Variants in TBC1D12 observed in about 807,000 individuals in gnomAD.
The protein encoded by TBC1D12 is TBC1 domain family member 12.
A neutral mutation model predicts 86.7 loss-of-function variants in TBC1D12; 56 were observed. The observed-to-expected ratio is 0.65, with a 90% CI of 0.52 to 0.81. The LOEUF (loss-of-function observed/expected upper bound fraction) is 0.81. TBC1D12 is among the 30% of genes least tolerant of loss of function. The pLI, the probability that TBC1D12 is intolerant of heterozygous loss-of-function variation, is 0.00. For missense variants in TBC1D12, 1,023 were observed against 1,038.8 expected, an observed-to-expected ratio of 0.98 and a Z score of 0.21; for synonymous variants, 421 against 411.7, an observed-to-expected ratio of 1.02 and a Z score of -0.27.
At chr10:94,414,693 A>G (rs1326824409) in intron 1 of TBC1D12, among the ~76,000 whole-genome samples, 1 of 143,230 alleles carries the variant, frequency 7.0e-6, no homozygotes, top group Non-Finnish European at 1.5e-5. Flanking sequence ...TCCGCTTCCC[A>G]GGTTCCAGCG....
intron 1 of TBC1D12, among the ~76,000 whole-genome samples, chr10:94,413,216 G>A (rs1315641828): frequency 6.6e-6 from 1 of 152,190 alleles, no homozygotes; most frequent in African/African-American, 2.4e-5. Context: ...TAAGTACTTT[G>A]CTAGCCTTTA....
intron 4 of TBC1D12, among the ~76,000 whole-genome samples, chr10:94,493,930 GATA>G (rs1201569293): frequency 2.6e-5 from 4 of 151,888 alleles, no homozygotes; most frequent in South Asian, 4.2e-4. Context: ...TATAAATAAA[GATA>G]ATAATTCATG....
At position 94,458,098 on chromosome 10, in the gene TBC1D12, A is replaced by T. The variant is rs547416179; in HGVS notation, c.1095+16079A>T. 2.0e-5 allele frequency among the ~76,000 whole-genome samples: 3 copies of T among 152,276 alleles called. No individual in the cohort carries two copies. In the East Asian group the frequency reaches 5.8e-4, roughly 29 times the overall value. On this transcript the variant is annotated intron_variant, in intron 2 of 12. Transcript: ENST00000225235. Reference sequence around the variant, plus strand: ...TTTATCCCCTCTAAAATTTATGGTGAAAGGCAATCCCCACTGTGGCAATAT... The same window carrying T: ...TTTATCCCCTCTAAAATTTATGGTGTAAGGCAATCCCCACTGTGGCAATAT...
chr10:94,516,261 A>G (rs1201067786), intron 9 of TBC1D12, among the ~76,000 whole-genome samples: 1 of 152,186 alleles, frequency 6.6e-6, no homozygotes, highest in Non-Finnish European at 1.5e-5. Flanking sequence ...TCTGATATAC[A>G]TAATATTCTA....
At chr10:94,513,480 T>C (rs1158250711) in intron 9 of TBC1D12, among the ~76,000 whole-genome samples, 1 of 152,200 alleles carries the variant, frequency 6.6e-6, no homozygotes, top group Non-Finnish European at 1.5e-5. Context: ...TCATAGTCCA[T>C]TTAAAGAAAA....
chr10:94,493,363 A>G lies in TBC1D12; in HGVS notation c.1212-2A>G. 1 of 1,605,446 alleles carries G rather than the reference A, an allele frequency of 6.2e-7. No individual in the cohort carries two copies. The highest frequency in any genetic ancestry group is 8.5e-7 in the Non-Finnish European group (1 of 1,177,706). ...CTTGACTTAAGTAATTTTTTTTTCC[A>G]GAAATCTTCCTGCCAAATCTGTGGA... On this transcript the variant is annotated splice_acceptor_variant, in intron 3 of 12. Transcript: ENST00000225235. LOFTEE classifies it high-confidence loss of function.
chr10:94,457,579 C>T (rs147328510), intron 2 of TBC1D12, among the ~76,000 whole-genome samples: 18 of 152,176 alleles, frequency 1.2e-4, no homozygotes, highest in African/African-American at 4.1e-4. Flanking sequence ...CATGCTTGGC[C>T]TCTCTGTGTT....
Position 94,531,396 on chromosome 10 carries a change from C to T in TBC1D12, c.2195C>T (p.Ser732Leu), listed in dbSNP as rs750546732. The T allele has an allele frequency of 4.3e-6, 7 of 1,613,908 alleles. No homozygotes were observed. The highest frequency in any genetic ancestry group is 2.7e-5 in the African/African-American group (2 of 74,902). Residue 732 changes from serine to leucine, a missense_variant, in exon 12 of 13, where the codon TCG becomes TTG. By Grantham distance (145) the Ser-to-Leu change is moderately radical. Coordinates refer to ENST00000225235, the MANE Select transcript of TBC1D12 (RefSeq NM_015188.2). ...ACTAAATTGCCAGAAGATATCACAT[C>T]GGAAAAGCTGTTCAGTTGTATTGCA... The part of the protein sequence containing the change: ...FLTKLPEDIT[S>L]EKLFSCIAAI...
intron 2 of TBC1D12, 42 bp from the exon 3 acceptor site, chr10:94,474,625 GT>G (rs2055959356): frequency 7.1e-7 from 1 of 1,412,712 alleles, no homozygotes; most frequent in Non-Finnish European, 1.0e-6. Flanking sequence ...TACAAACTAT[GT>G]TGGAGCAGTT....
chr10:94,402,869 T>A lies in TBC1D12; in HGVS notation c.256T>A (p.Cys86Ser). Residue 86 changes from cysteine (C) to serine (S), a missense_variant, in exon 1 of 13, where the codon TGC (cysteine) becomes AGC (serine). Cys to Ser is a moderately radical substitution (Grantham distance 112). This residue lies in a region of TBC1D12 where 628 missense variants were observed against 531.1 expected (regional missense o/e 1.18). Transcript: ENST00000225235. ...CGGGGAGCAGCTGGAGCCGGGGCTCTGCTACTGTCCGCTCCCCGCTGGCCA... is the reference window on the plus strand; with the variant it reads ...CGGGGAGCAGCTGGAGCCGGGGCTCAGCTACTGTCCGCTCCCCGCTGGCCA... Reference protein sequence around the residue: ...AAGEQLEPGLCYCPLPAGQAG... With the variant: ...AAGEQLEPGLSYCPLPAGQAG... The A allele has an allele frequency of 6.6e-7, 1 of 1,519,794 alleles. No homozygotes were observed. Among genetic ancestry groups the A allele is most frequent in the East Asian group, 2.5e-5 (1 of 39,434 alleles). The allele number at this position is 1,519,794 out of a possible 1,614,324, so 94.1% of individuals were successfully genotyped here. A position where few individuals can be genotyped will look rare whatever the true frequency, so the allele number is the denominator to read the frequency against.
At chr10:94,467,683 T>G (rs186479190) in intron 2 of TBC1D12, among the ~76,000 whole-genome samples, 1 of 152,286 alleles carries the variant, frequency 6.6e-6, no homozygotes, top group Non-Finnish European at 1.5e-5. Context: ...ATGCATGTCC[T>G]GAATAATACA....
At chr10:94,460,725 CTT>C (rs1208936215) in intron 2 of TBC1D12, among the ~76,000 whole-genome samples, 2 of 152,110 alleles carry the variant, frequency 1.3e-5, no homozygotes, top group South Asian at 4.1e-4. Flanking sequence ...TCCCCTCTCT[CTT>C]GTCCGTTATA....
intron 3 of TBC1D12, among the ~76,000 whole-genome samples, chr10:94,487,489 T>C (rs2056182765): frequency 6.6e-6 from 1 of 151,982 alleles, no homozygotes; most frequent in South Asian, 2.1e-4. Flanking sequence ...ATTTTTTTTA[T>C]TTGAGGTTAC....
At chr10:94,426,763 A>G (rs2055152360) in intron 1 of TBC1D12, among the ~76,000 whole-genome samples, 1 of 152,058 alleles carries the variant, frequency 6.6e-6, no homozygotes, top group Admixed American at 6.5e-5. Flanking sequence ...TTTTTAGTAG[A>G]GACAGAGTTT....
chr10:94,450,197 C>G (rs2055528311), intron 2 of TBC1D12, among the ~76,000 whole-genome samples: 1 of 151,860 alleles, frequency 6.6e-6, no homozygotes, highest in Admixed American at 6.6e-5. Context: ...TACATCCTAG[C>G]CTTTGAGTTA....
Position 94,465,902 on chromosome 10 carries a change from A to G in TBC1D12, c.1096-8766A>G, listed in dbSNP as rs144189653. Among the ~76,000 whole-genome samples the G allele has an allele frequency of 4.3e-3, 643 of 151,052 alleles. 4 individuals are homozygous for G. The highest frequency in any genetic ancestry group is 0.014 in the African/African-American group (578 of 41,260). Reference sequence around the variant, plus strand: ...CATGTATGTATATACATACATACGCATATATACATATATACGTATATATGC... The same window carrying G: ...CATGTATGTATATACATACATACGCGTATATACATATATACGTATATATGC... On this transcript the variant is annotated intron_variant, in intron 2 of 12. Coordinates refer to ENST00000225235, the MANE Select transcript of TBC1D12 (RefSeq NM_015188.2).
intron 2 of TBC1D12, among the ~76,000 whole-genome samples, chr10:94,451,166 C>A (rs1417351315): frequency 1.3e-5 from 2 of 151,830 alleles, no homozygotes; most frequent in African/African-American, 4.8e-5. Context: ...TTTTAAATAG[C>A]AAGAAGGAGG....
At chr10:94,471,743 AC>A (rs1227836225) in intron 2 of TBC1D12, among the ~76,000 whole-genome samples, 2 of 152,210 alleles carry the variant, frequency 1.3e-5, no homozygotes, top group African/African-American at 2.4e-5. Context: ...AAGCCAATCA[AC>A]ACTGGTTTCA....
chr10:94,438,184 T>C (rs925912765), intron 1 of TBC1D12, among the ~76,000 whole-genome samples: 6 of 152,204 alleles, frequency 3.9e-5, no homozygotes, highest in African/African-American at 1.4e-4. Flanking sequence ...TATAGTATGG[T>C]AACTATAAAT....
Sources: allele counts gnomAD v4.1 joint callset (sites outside exome capture counted in the v4.1 genomes callset), GRCh38; gene constraint gnomAD v4.1.1; regional missense constraint gnomAD v4.1.1; transcripts MANE v1.5; gene names NCBI Gene and HGNC (gene_info 2026-07-23, HGNC 2026-07-21).